Variants in JARID2 observed in about 807,000 individuals in gnomAD.
The protein encoded by JARID2 is protein Jumonji.
Under a neutral mutation model 125.6 loss-of-function variants are expected in JARID2, and 21 were observed. The ratio of observed to expected loss-of-function variants is 0.17; its 90% CI spans 0.12 to 0.24. The LOEUF (loss-of-function observed/expected upper bound fraction) is 0.24, where lower values mean the gene tolerates loss of function less well. Ranked by LOEUF, JARID2 falls within the 10% of genes least tolerant of loss-of-function variation. The probability of loss-of-function intolerance (pLI) is 1.00; values close to 1 mark genes in which losing one functional copy is unlikely to be tolerated. For synonymous variants in JARID2, 736 were observed against 661.6 expected (o/e 1.11, Z -1.73); for missense variants, 1,303 against 1,639.6 (o/e 0.79, Z 3.55).
rs924435211 is a variant in JARID2, at chr6:15,378,032, G to A, written c.181+3780G>A. ...CCAGAGTAGCTGGGATTACAGACAC[G>A]CGCCACCACACCCAGCTAATTTTTT... On this transcript the variant is annotated intron_variant, in intron 2 of 17. Transcript: ENST00000341776. Among the ~76,000 whole-genome samples, 6 of 151,272 alleles carry A rather than the reference G, an allele frequency of 4.0e-5. No homozygotes were observed. In the South Asian group the frequency reaches 6.3e-4, roughly 16 times the overall value.
chr6:15,276,797 C>G (rs2127365709), intron 1 of JARID2, among the ~76,000 whole-genome samples: 1 of 152,242 alleles, frequency 6.6e-6, no homozygotes, highest in African/African-American at 2.4e-5. Context: ...CTTTCAGTAT[C>G]CATGCCACCT....
intron 2 of JARID2, among the ~76,000 whole-genome samples, chr6:15,390,442 G>T (rs540968343): frequency 9.8e-5 from 15 of 152,310 alleles, no homozygotes; most frequent in African/African-American, 3.1e-4. Context: ...CATGCTTGGT[G>T]CTTCTAGCCT....
chr6:15,252,811 A>G (rs1211902766), intron 1 of JARID2, among the ~76,000 whole-genome samples: 3 of 151,964 alleles, frequency 2.0e-5, no homozygotes, highest in Non-Finnish European at 4.4e-5. Flanking sequence ...ACTCCCTAAG[A>G]CAAGCCTCAA....
intron 2 of JARID2, among the ~76,000 whole-genome samples, chr6:15,389,188 A>AT (rs1230094744): frequency 6.6e-6 from 1 of 151,700 alleles, no homozygotes; most frequent in Non-Finnish European, 1.5e-5. Context: ...GTTTGTTTTT[A>AT]TTTTTTCTGT....
intron 3 of JARID2, among the ~76,000 whole-genome samples, chr6:15,436,220 T>G (rs1767194680): frequency 6.6e-6 from 1 of 152,148 alleles, no homozygotes; most frequent in Admixed American, 6.5e-5. Context: ...CCTTGGTGTA[T>G]CAGAAGAATC....
At chr6:15,437,466 A>G (rs1461174950) in intron 3 of JARID2, among the ~76,000 whole-genome samples, 1 of 152,182 alleles carries the variant, frequency 6.6e-6, no homozygotes, top group Admixed American at 6.5e-5. Context: ...CTAGTTAGTT[A>G]CTAGGGTTGT....
intron 1 of JARID2, among the ~76,000 whole-genome samples, chr6:15,334,435 T>C (rs548395540): frequency 1.6e-4 from 24 of 152,348 alleles, no homozygotes; most frequent in African/African-American, 5.5e-4. Context: ...AATGTGAGGA[T>C]GCTTTTTATA....
intron 2 of JARID2, among the ~76,000 whole-genome samples, chr6:15,395,651 C>T (rs773175254): frequency 3.3e-5 from 5 of 151,986 alleles, no homozygotes; most frequent in South Asian, 2.1e-4. Flanking sequence ...CTGCCCACAT[C>T]GGCCTCCCAA....
At chr6:15,448,484 C>T (rs1037942470) in intron 3 of JARID2, among the ~76,000 whole-genome samples, 1 of 152,340 alleles carries the variant, frequency 6.6e-6, no homozygotes, top group Non-Finnish European at 1.5e-5. Context: ...AAACCCTTAA[C>T]ATCCTGTTAA....
At chr6:15,511,890 T>C (rs1771297941) in intron 13 of JARID2, among the ~76,000 whole-genome samples, 1 of 152,228 alleles carries the variant, frequency 6.6e-6, no homozygotes, top group Non-Finnish European at 1.5e-5. Flanking sequence ...GCCTGTGGCC[T>C]ACTTGGCTCT....
At chr6:15,465,193 C>T (rs1768657723) in intron 4 of JARID2, among the ~76,000 whole-genome samples, 1 of 152,160 alleles carries the variant, frequency 6.6e-6, no homozygotes, top group Non-Finnish European at 1.5e-5. Flanking sequence ...GTGGCTCACT[C>T]CTGTAATCCC....
rs192939605 is a variant in JARID2, at chr6:15,283,544, G to A, written c.45+36960G>A. Among the ~76,000 whole-genome samples the A allele has an allele frequency of 5.2e-4, 77 of 147,236 alleles. 1 individual carries two copies. Among genetic ancestry groups the A allele is most frequent in the Non-Finnish European group, 8.1e-4 (54 of 66,696 alleles). ...TTTTTATTAGAGACGGGATTTCACC[G>A]TGTTAGCCAGGACGGTCTCGATCTG... On this transcript the variant is annotated intron_variant, in intron 1 of 17. Transcript: ENST00000341776.
At chr6:15,475,634 G>C (rs1234680816) in intron 5 of JARID2, among the ~76,000 whole-genome samples, 3 of 152,172 alleles carry the variant, frequency 2.0e-5, no homozygotes, top group Non-Finnish European at 2.9e-5. Context: ...CCTTACCCCT[G>C]TTCCCTGATT....
At chr6:15,430,466 T>A (rs1307065134) in intron 3 of JARID2, among the ~76,000 whole-genome samples, 1 of 152,244 alleles carries the variant, frequency 6.6e-6, no homozygotes, top group Non-Finnish European at 1.5e-5. Context: ...TTGCCAATTA[T>A]ATGTTGAAAT....
chr6:15,514,627 G>C (rs958935169), intron 16 of JARID2, among the ~76,000 whole-genome samples: 6 of 148,644 alleles, frequency 4.0e-5, no homozygotes, highest in Non-Finnish European at 7.4e-5. Flanking sequence ...GGATGAGTCA[G>C]ATCGTCAGAT....
chr6:15,342,722 T>G (rs531089799), intron 1 of JARID2, among the ~76,000 whole-genome samples: 1 of 152,140 alleles, frequency 6.6e-6, no homozygotes, highest in Non-Finnish European at 1.5e-5. Context: ...ACTGGCAAAA[T>G]TTTCCATAAA....
intron 1 of JARID2, among the ~76,000 whole-genome samples, chr6:15,329,262 C>G (rs1420048608): frequency 6.6e-6 from 1 of 151,622 alleles, no homozygotes; most frequent in African/African-American, 2.4e-5. Flanking sequence ...TCCCTTGGGA[C>G]TCTGGCCTGG....
rs1455894575 is a variant in JARID2, at chr6:15,513,065, C to T, written c.3266+20C>T. The T allele has an allele frequency of 1.9e-6, 3 of 1,613,766 alleles. No homozygotes were observed. Among genetic ancestry groups the T allele is most frequent in the Non-Finnish European group, 2.5e-6 (3 of 1,179,976 alleles). ...GCTCAGGTAACAGACCCCCAGAGCC[C>T]ACGCCAGAGAGCTGGACCCGGCTGC... On this transcript the variant is annotated intron_variant, in intron 15 of 17. Coordinates refer to ENST00000341776, the MANE Select transcript of JARID2 (RefSeq NM_004973.4).
chr6:15,333,891 G>C (rs1762797390), intron 1 of JARID2, among the ~76,000 whole-genome samples: 1 of 152,156 alleles, frequency 6.6e-6, no homozygotes, highest in African/African-American at 2.4e-5. Flanking sequence ...GAAACCTAAA[G>C]GTAATCTTTT....
Sources: allele counts gnomAD v4.1 joint callset (sites outside exome capture counted in the v4.1 genomes callset), GRCh38; gene constraint gnomAD v4.1.1; transcripts MANE v1.5; gene names NCBI Gene and HGNC (gene_info 2026-07-23, HGNC 2026-07-21).